DRC4: variants seen among roughly 807,000 people sequenced by gnomAD.
DRC4 encodes the protein GAS-11.
the DRC4 span, chr16:90,028,957 T>G: frequency 2.3e-6 from 3 of 1,303,722 alleles, no homozygotes; most frequent in East Asian, 5.5e-5. Flanking sequence ...ATTGGCAGTT[T>G]AAGCCAGTGG....
At chr16:90,024,424 A>G in the DRC4 span, among the ~76,000 whole-genome samples, 1 of 152,170 alleles carries the variant, frequency 6.6e-6, no homozygotes, top group African/African-American at 2.4e-5. Context: ...TGCAGGGGGA[A>G]GCATGCTTCA....
the DRC4 span, chr16:90,031,480 A>G: frequency 1.3e-6 from 2 of 1,567,926 alleles, no homozygotes; most frequent in Non-Finnish European, 1.7e-6. Flanking sequence ...GAGGAGAGGC[A>G]CCAGGTGGAG....
the DRC4 span, among the ~76,000 whole-genome samples, chr16:90,041,198 C>T: frequency 3.9e-5 from 6 of 152,224 alleles, no homozygotes; most frequent in African/African-American, 9.7e-5. Flanking sequence ...GCTGCGCCCA[C>T]GCGCCAGGGT....
the DRC4 span, chr16:90,040,536 C>A: frequency 6.4e-7 from 1 of 1,565,090 alleles, no homozygotes; most frequent in South Asian, 1.2e-5. Context: ...CTCCTGACCC[C>A]AGTGGGCGGC....
the DRC4 span, among the ~76,000 whole-genome samples, chr16:90,026,903 T>C: frequency 6.6e-6 from 1 of 151,692 alleles, no homozygotes; most frequent in African/African-American, 2.4e-5. Flanking sequence ...TTTCTTTTTT[T>C]TTTTTTTTAA....
chr16:90,027,953 TG>T, the DRC4 span: 4 of 537,116 alleles, frequency 7.4e-6, no homozygotes, highest in Non-Finnish European at 1.3e-5. Flanking sequence ...GTGGTAGGAG[TG>T]TGGAAGGACA....
the DRC4 span, among the ~76,000 whole-genome samples, chr16:90,035,353 G>C: frequency 6.6e-6 from 1 of 152,222 alleles, no homozygotes; most frequent in African/African-American, 2.4e-5. Context: ...CAGTGCAGCA[G>C]GTTGGAAGCT....
At chr16:90,029,787 C>T in the DRC4 span, 32 of 179,408 alleles carry the variant, frequency 1.8e-4, no homozygotes, top group Admixed American at 1.1e-4. Context: ...GACGGAATCT[C>T]GCTGTGTGGC....
the DRC4 span, chr16:90,042,349 A>T: frequency 1.3e-6 from 1 of 763,356 alleles, no homozygotes; most frequent in Non-Finnish European, 2.3e-6. Context: ...GGATGGATGC[A>T]TCCATCAAAC....
chr16:90,036,277 T>C, the DRC4 span: 1 of 1,013,922 alleles, frequency 9.9e-7, no homozygotes, highest in Non-Finnish European at 1.5e-6. Context: ...AAGGCTGTTC[T>C]GACCACAGTG....
At chr16:90,042,209 C>T in the DRC4 span, 1 of 534,410 alleles carries the variant, frequency 1.9e-6, no homozygotes, top group Non-Finnish European at 3.6e-6. Context: ...CTGCTGGGAT[C>T]ACAGGTGTGA....
At chr16:90,040,046 T>A in the DRC4 span, 6 of 532,732 alleles carry the variant, frequency 1.1e-5, no homozygotes, top group Non-Finnish European at 2.0e-5. Flanking sequence ...AGGACACTTA[T>A]GGCTTCCAGA....
At chr16:90,029,061 A>C in the DRC4 span, 5 of 1,220,926 alleles carry the variant, frequency 4.1e-6, no homozygotes, top group Non-Finnish European at 1.0e-6. Context: ...TTGTCCCAGC[A>C]TGTGAGCTGC....
chr16:90,034,699 A>G, the DRC4 span, among the ~76,000 whole-genome samples: 1 of 151,594 alleles, frequency 6.6e-6, no homozygotes, highest in African/African-American at 2.4e-5. Context: ...TTATTTAAAT[A>G]TATAATAATT....
At chr16:90,038,571 G>A in the DRC4 span, among the ~76,000 whole-genome samples, 1 of 152,210 alleles carries the variant, frequency 6.6e-6, no homozygotes. Flanking sequence ...CCAGTTCCTA[G>A]CAGTGGGATT....
chr16:90,025,870 CAAA>C, the DRC4 span, among the ~76,000 whole-genome samples: 11 of 84,666 alleles, frequency 1.3e-4, no homozygotes, highest in Non-Finnish European at 1.1e-4. Flanking sequence ...GACTCCATCT[CAAA>C]AAAAAAAAAA....
the DRC4 span, among the ~76,000 whole-genome samples, chr16:90,026,598 G>A: frequency 6.6e-6 from 1 of 152,188 alleles, no homozygotes; most frequent in Non-Finnish European, 1.5e-5. Flanking sequence ...TTGGCAGTGT[G>A]GTATTGAGGG....
chr16:90,029,221 G>C, the DRC4 span: 2 of 939,846 alleles, frequency 2.1e-6, no homozygotes, highest in Admixed American at 4.4e-5. Context: ...TACGGGGCAG[G>C]CCCTTGCACT....
At chr16:90,028,765 A>G in the DRC4 span, 65 of 489,460 alleles carry the variant, frequency 1.3e-4, no homozygotes, top group Non-Finnish European at 2.0e-4. Context: ...AGCACCTGAC[A>G]TGGGACATGA....
Sources: allele counts gnomAD v4.1 joint callset (sites outside exome capture counted in the v4.1 genomes callset), GRCh38; gene constraint gnomAD v4.1.1; transcripts MANE v1.5; gene names NCBI Gene and HGNC (gene_info 2026-07-23, HGNC 2026-07-21).